The following TRIM2 variants were observed in gnomAD, a reference collection of about 807,000 sequenced individuals.
The protein encoded by TRIM2 is tripartite motif containing 2.
A neutral mutation model predicts 75.2 loss-of-function variants in TRIM2; 20 were observed. The ratio of observed to expected loss-of-function variants is 0.27; its 90% CI spans 0.19 to 0.39. The LOEUF (loss-of-function observed/expected upper bound fraction) is 0.39. Ranked by LOEUF, TRIM2 falls within the 10% of genes least tolerant of loss-of-function variation. The pLI is 1.00. For synonymous variants in TRIM2, 373 were observed against 388.3 expected, an observed-to-expected ratio of 0.96 and a Z score of 0.46; for missense variants, 660 against 990.8, an observed-to-expected ratio of 0.67 and a Z score of 4.48.
intron 8 of TRIM2, among the ~76,000 whole-genome samples, chr4:153,316,479 C>T (rs1269021535): frequency 2.0e-5 from 3 of 151,980 alleles, no homozygotes; most frequent in Admixed American, 6.6e-5. Context: ...GGAAAAAAGA[C>T]TCAAACACAA....
At chr4:153,306,411 A>G (rs946501441) in intron 6 of TRIM2, among the ~76,000 whole-genome samples, 29 of 152,246 alleles carry the variant, frequency 1.9e-4, no homozygotes, top group African/African-American at 6.0e-4. Context: ...GATATGTGTC[A>G]GTTTTGATCT....
rs76035941 is a variant in TRIM2 at position 153,305,833 on chromosome 4, G to A, written c.1511-9652G>A. 7.7e-3 allele frequency among the ~76,000 whole-genome samples: 1,166 copies of A among 152,236 alleles called. 16 individuals are homozygous for A. The highest frequency in any genetic ancestry group is 0.073 in the East Asian group (379 of 5,170). On this transcript the variant is annotated intron_variant, in intron 6 of 11. Coordinates refer to ENST00000338700, the MANE Select transcript of TRIM2 (RefSeq NM_015271.5). ...TTCTAATAACAGTAACTTTCTGGGGGGACCCATTCAAACTATAGCAGAGAT... is the reference window on the plus strand; with the variant it reads ...TTCTAATAACAGTAACTTTCTGGGGAGACCCATTCAAACTATAGCAGAGAT...
At chr4:153,178,229 C>G (rs375542854) in intron 1 of TRIM2, among the ~76,000 whole-genome samples, 7 of 152,146 alleles carry the variant, frequency 4.6e-5, no homozygotes, top group Middle Eastern at 3.4e-3. Flanking sequence ...TAATGCAGCT[C>G]GGTTAGCACA....
intron 1 of TRIM2, among the ~76,000 whole-genome samples, chr4:153,250,140 G>C (rs1383336319): frequency 6.6e-6 from 1 of 150,720 alleles, no homozygotes; most frequent in Non-Finnish European, 1.5e-5. Flanking sequence ...CTTTTTTAAA[G>C]ACAGGGCCTC....
At chr4:153,267,914 G>A (rs1755686501) in intron 1 of TRIM2, among the ~76,000 whole-genome samples, 1 of 152,220 alleles carries the variant, frequency 6.6e-6, no homozygotes, top group African/African-American at 2.4e-5. Context: ...AGCCAGCTGT[G>A]CAGGAGACCA....
At chr4:153,208,760 G>A (rs567365542) in intron 1 of TRIM2, among the ~76,000 whole-genome samples, 2 of 152,172 alleles carry the variant, frequency 1.3e-5, no homozygotes, top group African/African-American at 2.4e-5. Context: ...GCATGGGGTC[G>A]TTCCTTTTCC....
chr4:153,339,165 T>C lies in TRIM2; in HGVS notation c.*4199T>C, dbSNP rs1334248430. 22 of 985,766 alleles carry C rather than the reference T, an allele frequency of 2.2e-5. No homozygotes were observed. The highest frequency in any genetic ancestry group is 2.5e-5 in the Non-Finnish European group (21 of 829,938). 61.1% of individuals were successfully genotyped at this position (985,766 alleles called of 1,614,324 possible). On this transcript the variant is annotated 3_prime_UTR_variant, in exon 12 of 12. Transcript: ENST00000338700. ...GTGCATCAAAGTGTTTGTATGTTCG[T>C]AGCTACATACGTACCACAGTATTTT... is the stretch of plus-strand genomic sequence containing the variant.
Position 153,335,716 on chromosome 4 carries a change from T to G in TRIM2, c.*750T>G, listed in dbSNP as rs1205316232. ...CTTGAAAAGCATATTACAAAAGTAA[T>G]GCTACCTTTTGGGAAACAAACTGCC... On this transcript the variant is annotated 3_prime_UTR_variant, in exon 12 of 12. Coordinates refer to ENST00000338700, the MANE Select transcript of TRIM2 (RefSeq NM_015271.5). 3 of 985,564 alleles carry G rather than the reference T, an allele frequency of 3.0e-6. No individual in the cohort carries two copies. Among genetic ancestry groups the G allele is most frequent in the Non-Finnish European group, 1.2e-6 (1 of 829,948 alleles). The allele number at this position is 985,564 out of a possible 1,614,324, so 61.1% of individuals were successfully genotyped here.
At chr4:153,334,776 C>T in intron 11 of TRIM2, 38 bp from the exon 12 acceptor site, 1 of 1,554,220 alleles carries the variant, frequency 6.4e-7, no homozygotes, top group Non-Finnish European at 8.8e-7. Context: ...ATTACTATAA[C>T]TTCTCCTATA....
intron 1 of TRIM2, among the ~76,000 whole-genome samples, chr4:153,159,204 A>T (rs1413680694): frequency 6.6e-6 from 1 of 152,118 alleles, no homozygotes; most frequent in Non-Finnish European, 1.5e-5. Flanking sequence ...ACTTGTTCTC[A>T]AGACCATACG....
At chr4:153,307,631 G>T (rs1765299369) in intron 6 of TRIM2, among the ~76,000 whole-genome samples, 1 of 152,116 alleles carries the variant, frequency 6.6e-6, no homozygotes, top group Non-Finnish European at 1.5e-5. Context: ...ACTAAAATGA[G>T]GTTGGGGGCA....
At chr4:153,179,301 T>C (rs1324371238) in intron 1 of TRIM2, among the ~76,000 whole-genome samples, 1 of 148,580 alleles carries the variant, frequency 6.7e-6, no homozygotes, top group Non-Finnish European at 1.5e-5. Flanking sequence ...TACTTAAATT[T>C]ATGTTAAAAT....
intron 1 of TRIM2, among the ~76,000 whole-genome samples, chr4:153,188,328 C>T (rs1029897347): frequency 2.6e-4 from 40 of 152,048 alleles, no homozygotes; most frequent in African/African-American, 9.4e-4. Context: ...GGCATGGTGG[C>T]GCACACCTGT....
upstream of TRIM2, among the ~76,000 whole-genome samples, chr4:153,199,940 A>AT (rs34958420): frequency 0.58 from 71,398 of 122,158 alleles, 21,815 homozygotes; most frequent in African/African-American, 0.7. Context: ...TGGCCAGCTA[A>AT]TTTTTTTTTT....
chr4:153,291,136 A>C (rs7665535), intron 3 of TRIM2, among the ~76,000 whole-genome samples: 3,177 of 152,332 alleles, frequency 0.021, 65 homozygotes, highest in African/African-American at 0.053. Flanking sequence ...ATGAAATTTA[A>C]AATTATCTTG....
intron 6 of TRIM2, chr4:153,308,189 G>C: frequency 7.0e-7 from 1 of 1,422,742 alleles, no homozygotes; most frequent in Non-Finnish European, 9.9e-7. Flanking sequence ...GGGCATCTTG[G>C]TCAATCAGTT....
At chr4:153,285,077 A>G (rs1409165242) in intron 3 of TRIM2, among the ~76,000 whole-genome samples, 3 of 152,226 alleles carry the variant, frequency 2.0e-5, no homozygotes, top group Admixed American at 6.5e-5. Context: ...TTTAGCTTAC[A>G]TTTAGGTCTT....
In TRIM2 at chr4:153,339,005, T is replaced by C; in HGVS notation, c.*4039T>C. 1.0e-6 allele frequency: 1 copy of C among 985,522 alleles called. No homozygotes were observed. Among genetic ancestry groups the C allele is most frequent in the Non-Finnish European group, 1.2e-6 (1 of 829,734 alleles). The allele number at this position is 985,522 out of a possible 1,614,324, so 61.0% of individuals were successfully genotyped here. A position where few individuals can be genotyped will look rare whatever the true frequency, so the allele number is the denominator to read the frequency against. On this transcript the variant is annotated 3_prime_UTR_variant, in exon 12 of 12. Coordinates refer to ENST00000338700, the MANE Select transcript of TRIM2 (RefSeq NM_015271.5). ...TTAGATTTTGTACATTCCATCTTTA[T>C]AGGTCTGTTTCATATGTTTTATGTA...
chr4:153,316,078 T>G (rs778051387), intron 8 of TRIM2, 79 bp downstream of exon 8: 26 of 1,387,186 alleles, frequency 1.9e-5, no homozygotes, highest in Non-Finnish European at 2.4e-5. Context: ...ATATTTCTTT[T>G]TTGAGATGCA....
Sources: gnomAD v4.1 joint callset for allele counts (sites outside exome capture counted in the v4.1 genomes callset) on GRCh38, gnomAD v4.1.1 for gene constraint, MANE v1.5 for transcripts, NCBI Gene and HGNC (gene_info 2026-07-23, HGNC 2026-07-21) for gene names.